Variants in MOCOS observed in about 807,000 individuals in gnomAD.
MOCOS encodes the protein molybdenum cofactor sulfurase.
Under a neutral mutation model 83.6 loss-of-function variants are expected in MOCOS, and 86 were observed. The ratio of observed to expected loss-of-function variants is 1.03; its 90% CI spans 0.86 to 1.23. The LOEUF is 1.23. Among genes scored for constraint, MOCOS ranks in the 50% most tolerant of loss-of-function variants. MOCOS has a pLI of 0.00. For missense variants in MOCOS, 1,120 were observed against 1,126.9 expected, an observed-to-expected ratio of 0.99 and a Z score of 0.09; for synonymous variants, 445 against 434.7, an observed-to-expected ratio of 1.02 and a Z score of -0.29.
At chr18:36,257,763 C>T (rs1195125520) in intron 12 of MOCOS, among the ~76,000 whole-genome samples, 3 of 152,108 alleles carry the variant, frequency 2.0e-5, no homozygotes, top group Admixed American at 6.5e-5. Context: ...GTCCACAGGC[C>T]AGAGATGAGT....
Position 36,187,674 on chromosome 18 carries a change from C to A in MOCOS, c.135C>A (p.Arg45=). 7.9e-7 allele frequency: 1 copy of A among 1,264,046 alleles called. No individual in the cohort carries two copies. Among genetic ancestry groups the A allele is most frequent in the South Asian group, 3.6e-5 (1 of 28,088 alleles). 78.3% of individuals were successfully genotyped at this position (1,264,046 alleles called of 1,614,324 possible). A position where few individuals can be genotyped will look rare whatever the true frequency, so the allele number is the denominator to read the frequency against. The change falls in exon 1 of 15, where the codon CGC becomes CGA. Residue 45 remains arginine (R), a synonymous_variant. Transcript: ENST00000261326. The part of the protein sequence containing the change: ...LRELRAREFS[R]LAGTVYLDHA... ...AGCTGCGGGCGCGCGAGTTCAGCCG[C>A]CTGGCAGGTGAGGCGGGCGGGCAGG...
At position 36,260,129 on chromosome 18, in the gene MOCOS, A is replaced by C. The variant is rs747907154; in HGVS notation, c.2363A>C (p.Glu788Ala). 6.2e-7 allele frequency: 1 copy of C among 1,614,202 alleles called. No homozygotes were observed. Among genetic ancestry groups the C allele is most frequent in the South Asian group, 1.1e-5 (1 of 91,082 alleles). The stretch of plus-strand genomic sequence containing the variant: ...ATTATCAATGGAAAAAGGGCTTTTG[A>C]AGAAGAGAAATGGGATGAGATTTCA... ...NIIINGKRAF[E>A]EEKWDEISIG... The change falls in exon 13 of 15, where the codon GAA (glutamate) becomes GCA (alanine). Residue 788 changes from glutamate to alanine, a missense_variant. Physicochemically the swap from Glu to Ala is moderately radical, Grantham distance 107. Coordinates refer to ENST00000261326, the MANE Select transcript of MOCOS (RefSeq NM_017947.4).
At chr18:36,266,722 C>T (rs770729910) in intron 13 of MOCOS, 27 bp from the exon 14 acceptor site, 21 of 1,595,524 alleles carry the variant, frequency 1.3e-5, no homozygotes, top group South Asian at 2.2e-5. Context: ...TTTGTGGCAA[C>T]GCTGTGTTTT....
intron 13 of MOCOS, among the ~76,000 whole-genome samples, 189 bp downstream of exon 13, chr18:36,260,364 C>G (rs1422571317): frequency 6.6e-6 from 1 of 152,124 alleles, no homozygotes; most frequent in African/African-American, 2.4e-5. Context: ...CCTTTATTTC[C>G]CAAGAGGATG....
intron 1 of MOCOS, among the ~76,000 whole-genome samples, chr18:36,194,459 AGTT>A (rs1056427494): frequency 3.3e-5 from 5 of 152,312 alleles, no homozygotes; most frequent in Non-Finnish European, 5.9e-5. Context: ...TGGATATTTA[AGTT>A]GTTTCCAATC....
rs1319762424 is a variant in MOCOS at position 36,268,697 on chromosome 18, A to G, written c.*12A>G. The G allele has an allele frequency of 2.0e-6, 3 of 1,497,578 alleles. No individual in the cohort carries two copies. Among genetic ancestry groups the G allele is most frequent in the Non-Finnish European group, 2.7e-6 (3 of 1,126,378 alleles). The allele number at this position is 1,497,578 out of a possible 1,614,324, so 92.8% of individuals were successfully genotyped here. A position where few individuals can be genotyped will look rare whatever the true frequency, so the allele number is the denominator to read the frequency against. On this transcript the variant is annotated 3_prime_UTR_variant, in exon 15 of 15. Transcript: ENST00000261326. ...ATGTTACCTCCTAAAAAAAATTTTTAGCATAAAGTTTCTCTTTTACAGTGA... is the reference window on the plus strand; with the variant it reads ...ATGTTACCTCCTAAAAAAAATTTTTGGCATAAAGTTTCTCTTTTACAGTGA...
At chr18:36,253,187 G>A (rs543126478) in intron 11 of MOCOS, among the ~76,000 whole-genome samples, 7 of 152,338 alleles carry the variant, frequency 4.6e-5, no homozygotes, top group Admixed American at 1.3e-4. Flanking sequence ...TCAGGAGGCT[G>A]GCTGAGATAG....
chr18:36,220,010 A>C lies in MOCOS; in HGVS notation c.1798-45A>C, dbSNP rs776731329. Reference sequence around the variant, plus strand: ...CCACTGTACAAATAGGTGAAGACCAACTTTGGGGAGCCCTGGCCTGAGACA... The same window carrying C: ...CCACTGTACAAATAGGTGAAGACCACCTTTGGGGAGCCCTGGCCTGAGACA... On this transcript the variant is annotated intron_variant, in intron 8 of 14. Coordinates refer to ENST00000261326, the MANE Select transcript of MOCOS (RefSeq NM_017947.4). The C allele has an allele frequency of 1.9e-6, 3 of 1,611,978 alleles. No homozygotes were observed. In the Admixed American group the frequency reaches 5.0e-5, roughly 27 times the overall value.
chr18:36,255,233 G>T (rs1256363865), intron 11 of MOCOS, among the ~76,000 whole-genome samples: 1 of 152,156 alleles, frequency 6.6e-6, no homozygotes, highest in East Asian at 1.9e-4. Context: ...CTTCTGAGAC[G>T]CTTAAATAAA....
At chr18:36,218,997 C>T (rs1449443334) in intron 8 of MOCOS, among the ~76,000 whole-genome samples, 1 of 149,708 alleles carries the variant, frequency 6.7e-6, no homozygotes. Context: ...GCCTCCAGAG[C>T]AGCTAGGACT....
chr18:36,215,617 G>A lies in MOCOS; in HGVS notation c.1437G>A (p.Gln479=), dbSNP rs772644608. 4 of 1,614,146 alleles carry A rather than the reference G, an allele frequency of 2.5e-6. No homozygotes were observed. Among genetic ancestry groups the A allele is most frequent in the Non-Finnish European group, 2.5e-6 (3 of 1,180,028 alleles). ...ACATGTCGACGCTGGATGATGTCCAGGCCTTTCTTAGGTTCATCATAGACA... is the reference window on the plus strand; with the variant it reads ...ACATGTCGACGCTGGATGATGTCCAAGCCTTTCTTAGGTTCATCATAGACA... The part of the protein sequence containing the change: ...FGYMSTLDDV[Q]AFLRFIIDTR... Residue 479 remains glutamine, a synonymous_variant, in exon 8 of 15, where the codon CAG becomes CAA. Coordinates refer to ENST00000261326, the MANE Select transcript of MOCOS (RefSeq NM_017947.4).
At chr18:36,206,963 T>C (rs775482438) in intron 6 of MOCOS, among the ~76,000 whole-genome samples, 1 of 152,180 alleles carries the variant, frequency 6.6e-6, no homozygotes, top group African/African-American at 2.4e-5. Context: ...TTTGCCTTTA[T>C]GGTAGGATGA....
rs754030123 is a variant in MOCOS at position 36,256,951 on chromosome 18, T to C, written c.2165-17T>C. The C allele has an allele frequency of 3.8e-6, 6 of 1,594,874 alleles. No homozygotes were observed. Among genetic ancestry groups the C allele is most frequent in the Middle Eastern group, 3.3e-4 (2 of 6,032 alleles). ...CTGAGAAAGCAACTCTTCTTTTAAA[T>C]GCTCCATCATTTTCAGATCAACTTC... On this transcript the variant is annotated splice_polypyrimidine_tract_variant and intron_variant, in intron 11 of 14. Coordinates refer to ENST00000261326, the MANE Select transcript of MOCOS (RefSeq NM_017947.4).
intron 9 of MOCOS, among the ~76,000 whole-genome samples, chr18:36,240,506 C>G (rs1373985750): frequency 6.7e-6 from 1 of 150,258 alleles, no homozygotes; most frequent in East Asian, 2.0e-4. Context: ...AGATCTCCAG[C>G]TGCGTGCTGG....
chr18:36,268,774 G>A lies in MOCOS; in HGVS notation c.*89G>A, dbSNP rs1213367629. The A allele has an allele frequency of 9.9e-6, 11 of 1,107,088 alleles. No individual in the cohort carries two copies. Among genetic ancestry groups the A allele is most frequent in the East Asian group, 2.4e-5 (1 of 41,430 alleles). The allele number at this position is 1,107,088 out of a possible 1,614,324, so 68.6% of individuals were successfully genotyped here. Reference sequence around the variant, plus strand: ...TTGGTTCAGTAGAACTTGATGTTTTGAATAAGGAGAGCTCTTTTTCTTTAG... The same window carrying A: ...TTGGTTCAGTAGAACTTGATGTTTTAAATAAGGAGAGCTCTTTTTCTTTAG... On this transcript the variant is annotated 3_prime_UTR_variant, in exon 15 of 15. Coordinates refer to ENST00000261326, the MANE Select transcript of MOCOS (RefSeq NM_017947.4).
intron 9 of MOCOS, among the ~76,000 whole-genome samples, chr18:36,223,761 G>T (rs116550885): frequency 0.018 from 2,664 of 152,172 alleles, 78 homozygotes; most frequent in African/African-American, 0.061. Flanking sequence ...TTTCTTGTTT[G>T]TGTCTTATTT....
chr18:36,232,475 C>A (rs1328991687), intron 9 of MOCOS, among the ~76,000 whole-genome samples: 1 of 152,020 alleles, frequency 6.6e-6, no homozygotes, highest in Non-Finnish European at 1.5e-5. Flanking sequence ...AAATATTTAT[C>A]ATTTCTTTGT....
Position 36,268,757 on chromosome 18 carries a change from G to A in MOCOS, c.*72G>A. 7.7e-7 allele frequency: 1 copy of A among 1,298,082 alleles called. No homozygotes were observed. 80.4% of individuals were successfully genotyped at this position (1,298,082 alleles called of 1,614,324 possible). The stretch of plus-strand genomic sequence containing the variant: ...TTGTTAAGATCTGCAACTTGGTTCA[G>A]TAGAACTTGATGTTTTGAATAAGGA... On this transcript the variant is annotated 3_prime_UTR_variant, in exon 15 of 15. Transcript: ENST00000261326.
intron 8 of MOCOS, 32 bp downstream of exon 8, chr18:36,216,009 T>C: frequency 1.3e-6 from 2 of 1,577,688 alleles, no homozygotes; most frequent in Non-Finnish European, 1.7e-6. Context: ...CAGAAAGTCT[T>C]CTCTTTGTTT....
Sources: gnomAD v4.1 joint callset for allele counts (sites outside exome capture counted in the v4.1 genomes callset) on GRCh38, gnomAD v4.1.1 for gene constraint, MANE v1.5 for transcripts, NCBI Gene and HGNC (gene_info 2026-07-23, HGNC 2026-07-21) for gene names.